EDIL3: variants seen among roughly 807,000 people sequenced by gnomAD.
EDIL3 encodes the protein EGF-like repeat and discoidin I-like domain-containing protein 3.
In EDIL3, 37 loss-of-function variants were observed where a neutral mutation model predicts 67.4. That is an observed-to-expected ratio of 0.55 (90% CI 0.42 to 0.72). The LOEUF is 0.72. EDIL3 is among the 30% of genes least tolerant of loss of function. EDIL3 has a pLI of 0.00. For missense variants in EDIL3, 527 were observed against 586.3 expected, an observed-to-expected ratio of 0.90 and a Z score of 1.04; for synonymous variants, 195 against 196.3, an observed-to-expected ratio of 0.99 and a Z score of 0.05.
intron 5 of EDIL3, among the ~76,000 whole-genome samples, chr5:84,131,102 A>AT (rs887309153): frequency 6.6e-5 from 10 of 151,242 alleles, no homozygotes; most frequent in South Asian, 2.1e-4. Flanking sequence ...ATATACAGGT[A>AT]TTTTTTTTTC....
At chr5:83,996,467 T>G (rs1032781584) in intron 9 of EDIL3, among the ~76,000 whole-genome samples, 4 of 152,166 alleles carry the variant, frequency 2.6e-5, no homozygotes, top group African/African-American at 9.7e-5. Context: ...AGAGCCACCA[T>G]TGCCAGGTGA....
At chr5:84,309,261 C>A (rs947261186) in intron 1 of EDIL3, among the ~76,000 whole-genome samples, 1 of 145,046 alleles carries the variant, frequency 6.9e-6, no homozygotes, top group Non-Finnish European at 1.5e-5. Flanking sequence ...GCCAACAATG[C>A]TATCTTTCTT....
At chr5:83,962,508 G>A (rs913784516) in intron 10 of EDIL3, among the ~76,000 whole-genome samples, 1 of 151,538 alleles carries the variant, frequency 6.6e-6, no homozygotes, top group Admixed American at 6.6e-5. Flanking sequence ...ATGAAAAGAT[G>A]CTCAAAATGC....
In EDIL3 at chr5:84,128,492, A is replaced by G. The variant is rs1309442422; in HGVS notation, c.469+8749T>C. 2.0e-3 allele frequency among the ~76,000 whole-genome samples: 5 copies of G among 2,544 alleles called. No individual in the cohort carries two copies. In the East Asian group the frequency reaches 0.25, roughly 127 times the overall value. The allele number at this position is 2,544 out of a possible 152,430, so 1.7% of individuals were successfully genotyped here. A position where few individuals can be genotyped will look rare whatever the true frequency, so the allele number is the denominator to read the frequency against. The stretch of plus-strand genomic sequence containing the variant: ...AAGATACTGTCTGGCCCACAAATTA[A>G]CAATTTAACAGTGTTCCAACTTTCT... On this transcript the variant is annotated intron_variant, in intron 5 of 10. Transcript: ENST00000296591.
Position 84,354,716 on chromosome 5 carries a change from T to C in EDIL3, c.67+29592A>G, listed in dbSNP as rs150597011. On this transcript the variant is annotated intron_variant, in intron 1 of 10. Coordinates refer to ENST00000296591, the MANE Select transcript of EDIL3 (RefSeq NM_005711.5). Reference sequence around the variant, plus strand: ...TTTATAATTTTTTGTAGCTTACACATGTTACAATTCCACAAATATGTATAA... The same window carrying C: ...TTTATAATTTTTTGTAGCTTACACACGTTACAATTCCACAAATATGTATAA... Among the ~76,000 whole-genome samples the C allele has an allele frequency of 3.8e-3, 577 of 151,942 alleles. 8 individuals carry two copies. Among genetic ancestry groups the C allele is most frequent in the African/African-American group, 0.013 (557 of 41,446 alleles).
chr5:84,060,273 T>A (rs1165412187), intron 9 of EDIL3, 27 bp downstream of exon 9: 1 of 1,609,054 alleles, frequency 6.2e-7, no homozygotes, highest in Non-Finnish European at 8.5e-7. Flanking sequence ...GAACAGTGGG[T>A]AGTGAAACAG....
chr5:84,170,466 G>A (rs901054926), intron 4 of EDIL3, among the ~76,000 whole-genome samples: 9 of 152,184 alleles, frequency 5.9e-5, no homozygotes, highest in African/African-American at 2.2e-4. Context: ...TTATCACTAT[G>A]TTCAAGGTCA....
chr5:84,003,640 C>T (rs934560124), intron 9 of EDIL3, among the ~76,000 whole-genome samples: 8 of 152,030 alleles, frequency 5.3e-5, no homozygotes, highest in African/African-American at 1.7e-4. Flanking sequence ...AAATCATTAC[C>T]ACCAGACCTC....
intron 1 of EDIL3, among the ~76,000 whole-genome samples, chr5:84,380,604 G>C (rs929732183): frequency 2.0e-5 from 3 of 151,972 alleles, no homozygotes; most frequent in African/African-American, 7.2e-5. Context: ...ACAAATATCA[G>C]AATTACTTTT....
chr5:84,112,196 A>T (rs1747576934), intron 5 of EDIL3, among the ~76,000 whole-genome samples: 3 of 152,176 alleles, frequency 2.0e-5, no homozygotes, highest in Admixed American at 2.0e-4. Flanking sequence ...TTTTCATTTA[A>T]TTTAGATCAT....
chr5:84,320,393 AT>A (rs1379021973), intron 1 of EDIL3, among the ~76,000 whole-genome samples: 17 of 152,146 alleles, frequency 1.1e-4, no homozygotes, highest in Non-Finnish European at 1.3e-4. Context: ...CTTAAATCCA[AT>A]TAAACAGTAT....
At chr5:84,057,670 A>T (rs1184786842) in intron 9 of EDIL3, among the ~76,000 whole-genome samples, 1 of 152,166 alleles carries the variant, frequency 6.6e-6, no homozygotes, top group Non-Finnish European at 1.5e-5. Flanking sequence ...TTTTAAATGT[A>T]TCTTTTAAAT....
chr5:84,359,983 T>A (rs780301349), intron 1 of EDIL3, among the ~76,000 whole-genome samples: 4 of 152,218 alleles, frequency 2.6e-5, no homozygotes, highest in Admixed American at 1.3e-4. Flanking sequence ...TAAAAATCTA[T>A]ATTCTCATAT....
chr5:84,020,761 GAGCATAGTT>G (rs148652020), intron 9 of EDIL3, among the ~76,000 whole-genome samples: 1,549 of 152,082 alleles, frequency 0.01, 32 homozygotes, highest in African/African-American at 0.035. Context: ...TTCCTCTTCA[GAGCATAGTT>G]AGCATAGTTA....
intron 1 of EDIL3, 26 bp downstream of exon 1, chr5:84,384,282 C>G (rs1580116752): frequency 3.1e-6 from 5 of 1,603,794 alleles, no homozygotes; most frequent in Non-Finnish European, 4.3e-6. Context: ...ATCCCTCACC[C>G]AGCTGTCCGG....
chr5:83,980,631 T>C (rs1158997713), intron 9 of EDIL3, among the ~76,000 whole-genome samples: 1 of 149,730 alleles, frequency 6.7e-6, no homozygotes, highest in Non-Finnish European at 1.5e-5. Context: ...GAGGTTAAAG[T>C]GAGCTGAGAT....
intron 3 of EDIL3, among the ~76,000 whole-genome samples, chr5:84,191,526 A>C (rs1743585312): frequency 6.6e-6 from 1 of 152,088 alleles, no homozygotes; most frequent in South Asian, 2.1e-4. Flanking sequence ...CATAAAACAA[A>C]GCAGGCGTGG....
chr5:84,108,550 A>G (rs1416284457), intron 5 of EDIL3, among the ~76,000 whole-genome samples: 1 of 152,168 alleles, frequency 6.6e-6, no homozygotes, highest in African/African-American at 2.4e-5. Flanking sequence ...TGATAATCTG[A>G]TTTTCACATT....
intron 9 of EDIL3, among the ~76,000 whole-genome samples, chr5:84,047,118 C>G (rs1202585098): frequency 6.6e-6 from 1 of 152,128 alleles, no homozygotes; most frequent in Non-Finnish European, 1.5e-5. Context: ...AACCTCCAAA[C>G]CATAAAGGTT....
Sources: gnomAD v4.1 joint callset for allele counts (sites outside exome capture counted in the v4.1 genomes callset) on GRCh38, gnomAD v4.1.1 for gene constraint, MANE v1.5 for transcripts, NCBI Gene and HGNC (gene_info 2026-07-23, HGNC 2026-07-21) for gene names.